The following TBC1D5 variants were observed in gnomAD, a reference collection of about 807,000 sequenced individuals.
TBC1D5 encodes TBC1 domain family member 5.
TBC1D5 carries 75 observed loss-of-function variants against 100.3 expected under a neutral mutation model. That is an observed-to-expected ratio of 0.75 (90% CI 0.62 to 0.91). The LOEUF (loss-of-function observed/expected upper bound fraction) is 0.91, where lower values mean the gene tolerates loss of function less well. Among genes scored for constraint, TBC1D5 ranks in the 40% least tolerant of loss-of-function variants. The probability of loss-of-function intolerance (pLI) is 0.00; values close to 1 mark genes in which losing one functional copy is unlikely to be tolerated. For missense variants in TBC1D5, 910 were observed against 942.4 expected, an observed-to-expected ratio of 0.97 and a Z score of 0.45; for synonymous variants, 323 against 325.6, an observed-to-expected ratio of 0.99 and a Z score of 0.09.
At chr3:17,260,876 T>C (rs2078220317) in intron 15 of TBC1D5, among the ~76,000 whole-genome samples, 1 of 152,220 alleles carries the variant, frequency 6.6e-6, no homozygotes, top group Admixed American at 6.5e-5. Context: ...AATCAACATA[T>C]ACAGTTATTA....
intron 3 of TBC1D5, among the ~76,000 whole-genome samples, chr3:17,486,283 T>C (rs532286330): frequency 6.6e-6 from 1 of 152,308 alleles, no homozygotes; most frequent in East Asian, 1.9e-4. Context: ...TCCCATTTTG[T>C]AGGTTGCCTG....
At chr3:17,493,990 T>C (rs2095670621) in intron 3 of TBC1D5, among the ~76,000 whole-genome samples, 1 of 152,212 alleles carries the variant, frequency 6.6e-6, no homozygotes. Flanking sequence ...CTACAATCAC[T>C]TGGAAAAGAG....
intron 16 of TBC1D5, among the ~76,000 whole-genome samples, chr3:17,239,838 C>T (rs2733496): frequency 0.49 from 73,782 of 151,978 alleles, 18,564 homozygotes; most frequent in African/African-American, 0.6. Flanking sequence ...GTTATGATTA[C>T]AGATTATTTT....
intron 2 of TBC1D5, among the ~76,000 whole-genome samples, chr3:17,566,325 C>T (rs1394235816): frequency 1.3e-5 from 2 of 151,790 alleles, no homozygotes; most frequent in Non-Finnish European, 3.0e-5. Context: ...TTTCTAAAAA[C>T]TGATAAGTAG....
intron 2 of TBC1D5, among the ~76,000 whole-genome samples, chr3:17,562,900 T>G (rs1347456986): frequency 6.6e-6 from 1 of 152,226 alleles, no homozygotes; most frequent in Non-Finnish European, 1.5e-5. Flanking sequence ...TGAGAATACC[T>G]ACAATTTTTA....
At chr3:17,304,532 T>C (rs1369360654) in intron 14 of TBC1D5, among the ~76,000 whole-genome samples, 1 of 152,118 alleles carries the variant, frequency 6.6e-6, no homozygotes, top group Non-Finnish European at 1.5e-5. Context: ...CTCAGCCTCG[T>C]GAGTAGCTAG....
intron 4 of TBC1D5, among the ~76,000 whole-genome samples, chr3:17,425,506 C>T (rs987333797): frequency 1.3e-5 from 2 of 152,014 alleles, no homozygotes; most frequent in African/African-American, 4.8e-5. Flanking sequence ...ATATGCCTGT[C>T]GTCCCAGCTA....
chr3:17,464,460 T>C (rs994200614), intron 3 of TBC1D5, among the ~76,000 whole-genome samples: 4 of 152,218 alleles, frequency 2.6e-5, no homozygotes, highest in Non-Finnish European at 5.9e-5. Flanking sequence ...GGAGAAATAC[T>C]ATAACTATTT....
chr3:17,597,856 G>A (rs779984927), intron 2 of TBC1D5, among the ~76,000 whole-genome samples: 1 of 152,032 alleles, frequency 6.6e-6, no homozygotes, highest in Non-Finnish European at 1.5e-5. Context: ...GAATTTTTTT[G>A]AAATTCAAAC....
chr3:17,345,490 A>G (rs2089722796), intron 13 of TBC1D5, among the ~76,000 whole-genome samples: 1 of 152,152 alleles, frequency 6.6e-6, no homozygotes, highest in South Asian at 2.1e-4. Flanking sequence ...AACTAGTTCA[A>G]CCATTGTGGA....
chr3:17,694,986 CAGCCAAACTA>C (rs944519322), intron 1 of TBC1D5, among the ~76,000 whole-genome samples: 65 of 152,248 alleles, frequency 4.3e-4, no homozygotes, highest in Middle Eastern at 3.4e-3. Context: ...ATTTCATATC[CAGCCAAACTA>C]AGCTTCATAA....
At chr3:17,533,056 C>T (rs1400822581) in intron 2 of TBC1D5, among the ~76,000 whole-genome samples, 1 of 133,502 alleles carries the variant, frequency 7.5e-6, no homozygotes, top group Non-Finnish European at 1.6e-5. Flanking sequence ...GATCCTGTCA[C>T]ACACACACAC....
At chr3:17,721,650 C>T (rs1357029799) in intron 1 of TBC1D5, among the ~76,000 whole-genome samples, 5 of 151,914 alleles carry the variant, frequency 3.3e-5, no homozygotes, top group Admixed American at 1.3e-4. Flanking sequence ...CTAGCCTGGG[C>T]GACAGAGTGA....
intron 13 of TBC1D5, among the ~76,000 whole-genome samples, chr3:17,344,661 A>C (rs1334252792): frequency 2.6e-5 from 4 of 152,234 alleles, no homozygotes; most frequent in Admixed American, 2.6e-4. Context: ...ACCTGACTTC[A>C]AACTATACTA....
intron 13 of TBC1D5, among the ~76,000 whole-genome samples, chr3:17,340,113 T>G (rs2088626416): frequency 6.6e-6 from 1 of 152,036 alleles, no homozygotes; most frequent in Non-Finnish European, 1.5e-5. Context: ...AGCTCAGAGC[T>G]CCCCAGATGG....
intron 17 of TBC1D5, among the ~76,000 whole-genome samples, chr3:17,237,392 G>A (rs2075946004): frequency 6.6e-6 from 1 of 152,110 alleles, no homozygotes; most frequent in South Asian, 2.1e-4. Flanking sequence ...TCAAAAATAG[G>A]TGAAAAATAA....
At chr3:17,398,452 C>T (rs113755959) in intron 8 of TBC1D5, among the ~76,000 whole-genome samples, 3 of 152,170 alleles carry the variant, frequency 2.0e-5, no homozygotes, top group African/African-American at 7.2e-5. Context: ...CTTGTTTAAA[C>T]TCATACTAGA....
At chr3:17,425,224 A>G (rs753460579) in intron 4 of TBC1D5, among the ~76,000 whole-genome samples, 6 of 152,212 alleles carry the variant, frequency 3.9e-5, no homozygotes, top group South Asian at 2.1e-4. Flanking sequence ...TATCAACTGT[A>G]TTTTATCATC....
At chr3:17,490,427 T>C (rs1443940075) in intron 3 of TBC1D5, among the ~76,000 whole-genome samples, 3 of 152,334 alleles carry the variant, frequency 2.0e-5, no homozygotes, top group Admixed American at 1.3e-4. Context: ...ATGTTCTGAA[T>C]GCTATTAGCT....
Sources: gnomAD v4.1 joint callset for allele counts (sites outside exome capture counted in the v4.1 genomes callset) on GRCh38, gnomAD v4.1.1 for gene constraint, MANE v1.5 for transcripts, NCBI Gene and HGNC (gene_info 2026-07-23, HGNC 2026-07-21) for gene names.